VCP: variants seen among roughly 807,000 people sequenced by gnomAD.
VCP encodes transitional endoplasmic reticulum ATPase.
In VCP, 6 loss-of-function variants were observed where a neutral mutation model predicts 85.7. The ratio of observed to expected loss-of-function variants is 0.07; its 90% confidence interval spans 0.04 to 0.14. VCP has a LOEUF of 0.14. Among genes scored for constraint, VCP ranks in the 10% least tolerant of loss-of-function variants. VCP has a pLI of 1.00. For synonymous variants in VCP, 384 were observed against 367.1 expected (o/e 1.05, Z -0.53); for missense variants, 353 against 1,043.4 (o/e 0.34, Z 9.12).
chr9:35,070,377 G>C (rs1587133018), intron 1 of VCP, among the ~76,000 whole-genome samples: 1 of 152,282 alleles, frequency 6.6e-6, no homozygotes, highest in Admixed American at 6.5e-5. Context: ...CCATCTTCTT[G>C]CTTGACTTAT....
rs920620336 is a variant in VCP at position 35,072,554 on chromosome 9, G to GGTGGCA, written c.-207_-202dup. On this transcript the variant is annotated 5_prime_UTR_variant, in exon 1 of 17. Transcript: ENST00000358901. The stretch of plus-strand genomic sequence containing the variant: ...AACAACGCTGGCTCCTGATCCGCGA[G>GGTGGCA]GTGGCAGTGGCAGTGGCAGCGGCAG... 262 of 592,480 alleles carry GGTGGCA rather than the reference G, an allele frequency of 4.4e-4. 3 individuals are homozygous for GGTGGCA. Among genetic ancestry groups the GGTGGCA allele is most frequent in the South Asian group, 2.5e-3 (83 of 33,252 alleles). The allele number at this position is 592,480 out of a possible 1,614,324, so 36.7% of individuals were successfully genotyped here.
In VCP at chr9:35,059,956, G is replaced by C; in HGVS notation, c.1696-155C>G. ...GAAACCAGCATGGGCAACATACTGA[G>C]ACTTTGTCTCTACAAAAAATAAAAA... On this transcript the variant is annotated intron_variant, in intron 13 of 16. Transcript: ENST00000358901. This position sits in a 1 kb window ranked among gnomAD's most constrained non-coding sequence, Gnocchi z 4.9. 1 of 919,326 alleles carries C rather than the reference G, an allele frequency of 1.1e-6. No individual in the cohort carries two copies. Among genetic ancestry groups the C allele is most frequent in the South Asian group, 1.6e-5 (1 of 63,096 alleles). The allele number at this position is 919,326 out of a possible 1,614,324, so 56.9% of individuals were successfully genotyped here.
intron 9 of VCP, 63 bp downstream of exon 9, chr9:35,061,940 T>G: frequency 6.2e-7 from 1 of 1,613,120 alleles, no homozygotes; most frequent in African/African-American, 1.3e-5. Flanking sequence ...ATTAGGTGAC[T>G]TAGATGAAGG....
Position 35,072,595 on chromosome 9 carries a change from A to T in VCP, c.-242T>A, listed in dbSNP as rs1337415717. On this transcript the variant is annotated 5_prime_UTR_variant, in exon 1 of 17. Coordinates refer to ENST00000358901, the MANE Select transcript of VCP (RefSeq NM_007126.5). ...GCAGCGGCAGCGGCAGCGACGACTC[A>T]AACGACGGTCGCAGACGCTTCGCTG... 4.1e-6 allele frequency: 2 copies of T among 487,586 alleles called. No individual in the cohort carries two copies. The highest frequency in any genetic ancestry group is 2.1e-5 in the African/African-American group (1 of 48,612). 30.2% of individuals were successfully genotyped at this position (487,586 alleles called of 1,614,324 possible).
rs1828980151 is a variant in VCP, at chr9:35,072,474, A to G, written c.-121T>C. ...AGGCGGTGGGCGAGCAGCGGCGACA[A>G]ACCCGCAAGCGGCTTCCCTCTCGCT... On this transcript the variant is annotated 5_prime_UTR_variant, in exon 1 of 17. Coordinates refer to ENST00000358901, the MANE Select transcript of VCP (RefSeq NM_007126.5). The G allele has an allele frequency of 2.3e-6, 3 of 1,279,054 alleles. No homozygotes were observed. The highest frequency in any genetic ancestry group is 3.0e-6 in the Non-Finnish European group (3 of 988,012). The allele number at this position is 1,279,054 out of a possible 1,614,324, so 79.2% of individuals were successfully genotyped here. A position where few individuals can be genotyped will look rare whatever the true frequency, so the allele number is the denominator to read the frequency against.
chr9:35,069,444 C>CTTTTTTTTTTTT (rs35498216), intron 1 of VCP, among the ~76,000 whole-genome samples: 2 of 96,114 alleles, frequency 2.1e-5, no homozygotes, highest in Admixed American at 1.2e-4. Context: ...CTCCCTCTCC[C>CTTTTTTTTTTTT]TTTTTTTTTT....
intron 6 of VCP, among the ~76,000 whole-genome samples, chr9:35,063,439 T>G (rs145910791): frequency 6.6e-6 from 1 of 152,258 alleles, no homozygotes; most frequent in Non-Finnish European, 1.5e-5. Context: ...GCTAAGCCAT[T>G]TAAGAGAGCA....
At chr9:35,066,324 C>T (rs1334945544) in intron 4 of VCP, among the ~76,000 whole-genome samples, 1 of 148,558 alleles carries the variant, frequency 6.7e-6, no homozygotes, top group Non-Finnish European at 1.5e-5. Context: ...TACTGTGGCC[C>T]AATCTTGGCT....
chr9:35,059,265 G>C lies in VCP; in HGVS notation c.2005-46C>G, dbSNP rs369648801. ...ACCTTAGCATTTAGCCTCTCCTCTC[G>C]AGATACGCAGATCTTTGGGCTACCC... On this transcript the variant is annotated intron_variant, in intron 14 of 16. Coordinates refer to ENST00000358901, the MANE Select transcript of VCP (RefSeq NM_007126.5). This position sits in a 1 kb window ranked among gnomAD's most constrained non-coding sequence, Gnocchi z 4.9. 2.4e-5 allele frequency: 38 copies of C among 1,611,532 alleles called. No individual in the cohort carries two copies. The highest frequency in any genetic ancestry group is 3.2e-5 in the Non-Finnish European group (38 of 1,178,964).
At chr9:35,061,945 TGAA>T in intron 9 of VCP, 55 bp downstream of exon 9, 1 of 1,613,496 alleles carries the variant, frequency 6.2e-7, no homozygotes, top group Non-Finnish European at 8.5e-7. Flanking sequence ...GTGACTTAGA[TGAA>T]GGAGAGAAGT....
chr9:35,067,803 TGGTCCTGCCTGTAATACATG>T (rs1828862064), intron 3 of VCP, 68 bp downstream of exon 3: 33 of 1,555,306 alleles, frequency 2.1e-5, no homozygotes, highest in South Asian at 3.4e-5. Context: ...GCCAAGAACT[TGGTCCTGCCTGTAATACATG>T]GGTCCTGCCT....
intron 6 of VCP, among the ~76,000 whole-genome samples, chr9:35,063,859 T>C (rs1263083868): frequency 1.3e-5 from 2 of 152,208 alleles, no homozygotes; most frequent in African/African-American, 2.4e-5. Context: ...ACAGGGTCCA[T>C]TGATACAAGA....
At chr9:35,069,377 G>C (rs1372022122) in intron 1 of VCP, among the ~76,000 whole-genome samples, 1 of 150,598 alleles carries the variant, frequency 6.6e-6, no homozygotes, top group Non-Finnish European at 1.5e-5. Context: ...TCACCAGACA[G>C]TGACACCAAC....
rs114783706 is a variant in VCP at position 35,064,647 on chromosome 9, G to C, written c.577-362C>G. On this transcript the variant is annotated intron_variant, in intron 5 of 16. Transcript: ENST00000358901. ...CATTACTCGTAGTCTTACTGAGAAG[G>C]GGTCTCTAAAATCTGAAGCTGGAAA... Among the ~76,000 whole-genome samples the C allele has an allele frequency of 9.5e-3, 1,452 of 152,298 alleles. 21 individuals carry two copies. The highest frequency in any genetic ancestry group is 0.033 in the African/African-American group (1,386 of 41,556).
intron 15 of VCP, chr9:35,057,822 G>A: frequency 2.1e-6 from 1 of 477,058 alleles, no homozygotes; most frequent in Non-Finnish European, 3.8e-6. Flanking sequence ...GAAATTTTAA[G>A]TCTCAACTGT....
chr9:35,070,865 C>T (rs1438367213), intron 1 of VCP, among the ~76,000 whole-genome samples: 1 of 152,216 alleles, frequency 6.6e-6, no homozygotes, highest in Non-Finnish European at 1.5e-5. Context: ...TCCCCATCTA[C>T]CTACTGAGAT....
Position 35,057,090 on chromosome 9 carries a change from A to G in VCP, c.*27T>C. The G allele has an allele frequency of 1.2e-6, 2 of 1,611,798 alleles. No individual in the cohort carries two copies. The highest frequency in any genetic ancestry group is 1.7e-6 in the Non-Finnish European group (2 of 1,178,344). On this transcript the variant is annotated 3_prime_UTR_variant, in exon 17 of 17. Transcript: ENST00000358901. ...CCAGGGAACAAGGTCCAGGCAGGCCAGCTCACTGCACGCTGGCCACCACCA... is the reference window on the plus strand; with the variant it reads ...CCAGGGAACAAGGTCCAGGCAGGCCGGCTCACTGCACGCTGGCCACCACCA...
At chr9:35,060,640 G>C in intron 12 of VCP, 115 bp from the exon 13 acceptor site, 1 of 1,518,024 alleles carries the variant, frequency 6.6e-7, no homozygotes, top group South Asian at 1.1e-5. Context: ...TCAGATCCAG[G>C]TTCTCTAGAA....
intron 5 of VCP, 99 bp from the exon 6 acceptor site, chr9:35,064,384 T>C: frequency 2.0e-6 from 3 of 1,512,088 alleles, no homozygotes; most frequent in South Asian, 2.3e-5. Flanking sequence ...TGCAAAAACC[T>C]ACCGTATAAG....
Sources: gnomAD v4.1 joint callset for allele counts (sites outside exome capture counted in the v4.1 genomes callset) on GRCh38, gnomAD v4.1.1 for gene constraint, Gnocchi (gnomAD v3.1) non-coding constraint, MANE v1.5 for transcripts, NCBI Gene and HGNC (gene_info 2026-07-23, HGNC 2026-07-21) for gene names.